TEX9: variants seen among roughly 807,000 people sequenced by gnomAD.
TEX9 encodes the protein testis expressed 9.
TEX9 carries 74 observed loss-of-function variants against 59.6 expected under a neutral mutation model. The ratio of observed to expected loss-of-function variants is 1.24; its 90% CI spans 1.03 to 1.51. TEX9 has a LOEUF of 1.51. Ranked by LOEUF, TEX9 falls within the 40% of genes most tolerant of loss-of-function variation. The pLI is 0.00. For missense variants in TEX9, 522 were observed against 447.8 expected (o/e 1.17, Z -1.49); for synonymous variants, 186 against 152.2 (o/e 1.22, Z -1.64).
chr15:56,412,585 A>G (rs1438585026), intron 10 of TEX9, 149 bp downstream of exon 10: 1 of 848,264 alleles, frequency 1.2e-6, no homozygotes, highest in African/African-American at 1.8e-5. Context: ...AGCAGTATAC[A>G]CATTTCTAAC....
At chr15:56,357,137 C>A (rs1212973670) in intron 1 of TEX9, among the ~76,000 whole-genome samples, 1 of 152,106 alleles carries the variant, frequency 6.6e-6, no homozygotes, top group Non-Finnish European at 1.5e-5. Context: ...GAAGTTTGTC[C>A]TACCCAGTTT....
At chr15:56,428,767 G>A (rs2140301433) in intron 12 of TEX9, 1 of 350,088 alleles carries the variant, frequency 2.9e-6, no homozygotes, top group South Asian at 6.0e-5. Context: ...GCTAAATCAA[G>A]TAAGTAAAGT....
chr15:56,388,928 C>A (rs2048082633), intron 5 of TEX9, among the ~76,000 whole-genome samples: 1 of 151,948 alleles, frequency 6.6e-6, no homozygotes, highest in Admixed American at 6.6e-5. Flanking sequence ...ATAGTGGGAT[C>A]TATGTTTCCC....
intron 11 of TEX9, among the ~76,000 whole-genome samples, chr15:56,428,136 C>A (rs1235273645): frequency 6.6e-6 from 1 of 151,986 alleles, no homozygotes; most frequent in Non-Finnish European, 1.5e-5. Context: ...TTGCAAAGGT[C>A]AGGTATTTAA....
chr15:56,368,773 C>T (rs1317177945), intron 2 of TEX9, among the ~76,000 whole-genome samples: 1 of 152,016 alleles, frequency 6.6e-6, no homozygotes, highest in African/African-American at 2.4e-5. Context: ...GGTAGCTTTC[C>T]AATATTGTTT....
At chr15:56,364,466 C>CTTTTTTTTTTTT (rs55845567), upstream of TEX9, among the ~76,000 whole-genome samples, 1 of 139,606 alleles carries the variant, frequency 7.2e-6, no homozygotes, top group Non-Finnish European at 1.6e-5. Context: ...TTTTTCTTTT[C>CTTTTTTTTTTTT]TTTTTTTTTT....
chr15:56,385,325 A>G (rs1267559135), intron 4 of TEX9, among the ~76,000 whole-genome samples: 1 of 152,138 alleles, frequency 6.6e-6, no homozygotes, highest in Admixed American at 6.6e-5. Context: ...GAAAATCTGT[A>G]AGGAACAAAA....
intron 1 of TEX9, among the ~76,000 whole-genome samples, chr15:56,353,280 GT>G (rs2046620474): frequency 6.6e-6 from 1 of 152,136 alleles, no homozygotes; most frequent in African/African-American, 2.4e-5. Flanking sequence ...TGACTAATCT[GT>G]TAAAAAATGA....
rs1193392477 is a variant in TEX9, at chr15:56,373,930, C to A, written c.183+426C>A. Among the ~76,000 whole-genome samples the A allele has an allele frequency of 2.6e-5, 4 of 152,148 alleles. No individual in the cohort carries two copies. In the South Asian group the frequency reaches 8.3e-4, roughly 32 times the overall value. On this transcript the variant is annotated intron_variant, in intron 3 of 12. Coordinates refer to ENST00000352903, the Ensembl canonical transcript of TEX9. The stretch of plus-strand genomic sequence containing the variant: ...GAAGGAAACCTAGGCAATATTTTAT[C>A]TTCATGCCTTATACAAATCCATGAT...
chr15:56,274,726 T>G (rs1429780806), intron 1 of TEX9: 5 of 150,690 alleles, frequency 3.3e-5, no homozygotes, highest in African/African-American at 1.2e-4. Flanking sequence ...GCAGGCATGT[T>G]TTTTTTTTTC....
At chr15:56,262,833 C>T (rs1238142670) in intron 1 of TEX9, among the ~76,000 whole-genome samples, 1 of 152,110 alleles carries the variant, frequency 6.6e-6, no homozygotes, top group Non-Finnish European at 1.5e-5. Context: ...TTGAATTGAT[C>T]CCTCGATCTT....
intron 1 of TEX9, among the ~76,000 whole-genome samples, chr15:56,316,823 C>T (rs1334353334): frequency 2.0e-5 from 3 of 152,230 alleles, no homozygotes; most frequent in African/African-American, 7.2e-5. Context: ...GTAGGACCCT[C>T]CAAGCCAGGT....
chr15:56,249,606 C>T (rs1384441459), intron 1 of TEX9, among the ~76,000 whole-genome samples: 1 of 151,624 alleles, frequency 6.6e-6, no homozygotes, highest in Non-Finnish European at 1.5e-5. Flanking sequence ...GGCATGATGG[C>T]AGGTGCCTGT....
At chr15:56,297,749 C>T (rs549532956) in intron 1 of TEX9, among the ~76,000 whole-genome samples, 2 of 152,350 alleles carry the variant, frequency 1.3e-5, no homozygotes, top group African/African-American at 4.8e-5. Flanking sequence ...AGGCAATCCA[C>T]CCGCCTTGGC....
At chr15:56,347,371 G>T (rs911543880) in intron 1 of TEX9, among the ~76,000 whole-genome samples, 1 of 152,026 alleles carries the variant, frequency 6.6e-6, no homozygotes, top group Non-Finnish European at 1.5e-5. Context: ...TATTGCCAGA[G>T]GGATGGACAC....
At chr15:56,244,110 T>TGAG (rs1233964747) in exon 1 of TEX9, 3 of 150,724 alleles carry the variant, frequency 2.0e-5, no homozygotes, top group South Asian at 2.1e-4. Flanking sequence ...AGAACTTGCG[T>TGAG]GAGGAGGAGG....
chr15:56,319,974 A>C (rs1419194541), intron 1 of TEX9, among the ~76,000 whole-genome samples: 3 of 152,174 alleles, frequency 2.0e-5, no homozygotes, highest in African/African-American at 7.2e-5. Flanking sequence ...GAGGTATATC[A>C]GGCTGAACAG....
the TEX9 span, among the ~76,000 whole-genome samples, chr15:56,457,095 T>C: frequency 6.6e-6 from 1 of 152,202 alleles, no homozygotes; most frequent in African/African-American, 2.4e-5. Context: ...ATTATTATTT[T>C]TCTTAAGTCT....
At chr15:56,456,520 G>A in the TEX9 span, 2 of 1,605,166 alleles carry the variant, frequency 1.2e-6, no homozygotes, top group Non-Finnish European at 1.7e-6. Flanking sequence ...GTTTTCTTCT[G>A]CCTGAACGAA....
Sources: allele counts gnomAD v4.1 joint callset (sites outside exome capture counted in the v4.1 genomes callset), GRCh38; gene constraint gnomAD v4.1.1; transcripts MANE v1.5; gene names NCBI Gene and HGNC (gene_info 2026-07-23, HGNC 2026-07-21).